The following THSD8 variants were observed in gnomAD, a reference collection of about 807,000 sequenced individuals.
The protein encoded by THSD8 is thrombospondin type 1 domain containing 8.
rs1968947858 is a variant in THSD8 at position 12,804,244 on chromosome 19, C to T, written c.289C>T (p.Pro97Ser). Reference sequence around the variant, plus strand: ...CCCGGAGAAGCTGATCCAGTTACGGCCCTGCCGGCAACGGGATTGTCCATC... The same window carrying T: ...CCCGGAGAAGCTGATCCAGTTACGGTCCTGCCGGCAACGGGATTGTCCATC... ...MDPEKLIQLR[P>S]CRQRDCPSCK... is the part of the protein sequence containing the mutation. The change falls in exon 2 of 2, where the codon CCC becomes TCC. Residue 97 changes from proline (P) to serine (S), a missense_variant. Pro to Ser is a moderately conservative substitution (Grantham distance 74, BLOSUM62 -1). Transcript: ENST00000639810. The T allele has an allele frequency of 2.5e-6, 1 of 398,586 alleles. No homozygotes were observed. The highest frequency in any genetic ancestry group is 4.4e-6 in the Non-Finnish European group (1 of 226,072). The allele number at this position is 398,586 out of a possible 1,614,324, so 24.7% of individuals were successfully genotyped here.
At chr19:12,803,813 G>A (rs1441818954) in intron 1 of THSD8, among the ~76,000 whole-genome samples, 4 of 150,294 alleles carry the variant, frequency 2.7e-5, no homozygotes, top group Non-Finnish European at 5.9e-5. Flanking sequence ...TTGGTAGGCC[G>A]AGGTAGGAGG....
rs1204851901 is a variant in THSD8, at chr19:12,804,324, CCGGGGCAAGTTG to C, written c.*28_*39del. 2 of 398,496 alleles carry C rather than the reference CCGGGGCAAGTTG, an allele frequency of 5.0e-6. No individual in the cohort carries two copies. Among genetic ancestry groups the C allele is most frequent in the African/African-American group, 4.1e-5 (2 of 48,628 alleles). 24.7% of individuals were successfully genotyped at this position (398,496 alleles called of 1,614,324 possible). ...TCTGAGCCCGGGTGAGAGAGCAGGG[CCGGGGCAAGTTG>C]CGGGGCCCAGGGTGGGCGCGGAGGG... On this transcript the variant is annotated 3_prime_UTR_variant, in exon 2 of 2. Coordinates refer to ENST00000639810, the MANE Select transcript of THSD8 (RefSeq NM_001386800.1).
At chr19:12,803,526 T>A (rs1968935006) in intron 1 of THSD8, among the ~76,000 whole-genome samples, 1 of 152,060 alleles carries the variant, frequency 6.6e-6, no homozygotes, top group South Asian at 2.1e-4. Flanking sequence ...CAGGTTGTAG[T>A]TCCTCTGGCC....
At chr19:12,803,481 TCA>T (rs1968934489) in intron 1 of THSD8, among the ~76,000 whole-genome samples, 2 of 152,106 alleles carry the variant, frequency 1.3e-5, no homozygotes, top group African/African-American at 4.8e-5. Context: ...TGTAGGACAC[TCA>T]CAACTGGGCA....
chr19:12,803,733 A>G (rs1968938609), intron 1 of THSD8, among the ~76,000 whole-genome samples: 1 of 151,924 alleles, frequency 6.6e-6, no homozygotes, highest in Non-Finnish European at 1.5e-5. Flanking sequence ...CAACATGGTG[A>G]AACACCGTCT....
intron 1 of THSD8, among the ~76,000 whole-genome samples, chr19:12,803,417 T>C (rs1968933812): frequency 6.6e-6 from 1 of 152,174 alleles, no homozygotes; most frequent in Non-Finnish European, 1.5e-5. Context: ...GGTAGGGCCA[T>C]GGTCACACCC....
chr19:12,803,095 T>A (rs1012118639), intron 1 of THSD8, among the ~76,000 whole-genome samples: 2 of 151,734 alleles, frequency 1.3e-5, no homozygotes, highest in Admixed American at 6.6e-5. Context: ...TAAATAAAAA[T>A]AAAAAATAAA....
rs1968916437 is a variant in THSD8, at chr19:12,802,195, C to A, written c.124C>A (p.Gln42Lys). 2 of 398,712 alleles carry A rather than the reference C, an allele frequency of 5.0e-6. No homozygotes were observed. The highest frequency in any genetic ancestry group is 8.8e-6 in the Non-Finnish European group (2 of 226,124). The allele number at this position is 398,712 out of a possible 1,614,324, so 24.7% of individuals were successfully genotyped here. A position where few individuals can be genotyped will look rare whatever the true frequency, so the allele number is the denominator to read the frequency against. Residue 42 changes from glutamine (Q) to lysine (K), a missense_variant, in exon 1 of 2, where the codon CAG (glutamine) becomes AAG (lysine). Transcript: ENST00000639810. ...GCAGGGCGAAGGTGACAGCTGGGAG[C>A]AGCTGAGGCTGCAGCATCTAAAGGG... ...GQQGEGDSWE[Q>K]LRLQHLKEVE... is the part of the protein sequence containing the mutation.
In THSD8 at chr19:12,803,870, C is replaced by T. The variant is rs560037064; in HGVS notation, c.149-234C>T. On this transcript the variant is annotated intron_variant, in intron 1 of 1. Coordinates refer to ENST00000639810, the MANE Select transcript of THSD8 (RefSeq NM_001386800.1). ...GAGGCTGCAGTGAGCTGTGACTGCG[C>T]CACTGCACTCCAGCCTGGGCGACAG... Among the ~76,000 whole-genome samples the T allele has an allele frequency of 2.1e-5, 3 of 141,268 alleles. No homozygotes were observed. In the East Asian group the frequency reaches 6.2e-4, roughly 29 times the overall value. 92.7% of individuals were successfully genotyped at this position (141,268 alleles called of 152,430 possible).
At chr19:12,802,760 G>A (rs1263008661) in intron 1 of THSD8, among the ~76,000 whole-genome samples, 1 of 152,120 alleles carries the variant, frequency 6.6e-6, no homozygotes, top group Non-Finnish European at 1.5e-5. Context: ...GATAAGATCG[G>A]AGTTGGGATA....
intron 1 of THSD8, 49 bp downstream of exon 1, chr19:12,802,268 C>T (rs1968917639): frequency 2.5e-6 from 1 of 398,184 alleles, no homozygotes; most frequent in Non-Finnish European, 4.4e-6. Flanking sequence ...CCCCGTTGCC[C>T]TACTTCTCCT....
rs28603316 is a variant in THSD8 at position 12,804,228 on chromosome 19, G to C, written c.273G>C (p.Lys91Asn). ...APGPVFMDPE[K>N]LIQLRPCRQR... ...GCCCGGTTTTCATGGACCCGGAGAA[G>C]CTGATCCAGTTACGGCCCTGCCGGC... The change falls in exon 2 of 2, where the codon AAG (lysine) becomes AAC (asparagine). Residue 91 changes from lysine (K) to asparagine (N), a missense_variant. Physicochemically the swap from Lys to Asn is moderately conservative, Grantham distance 94 (BLOSUM62 0). Transcript: ENST00000639810. 19,563 of 398,384 alleles carry C rather than the reference G, an allele frequency of 0.049. 899 individuals are homozygous for C. Among genetic ancestry groups the C allele is most frequent in the African/African-American group, 0.16 (7,807 of 48,652 alleles). 24.7% of individuals were successfully genotyped at this position (398,384 alleles called of 1,614,324 possible). A position where few individuals can be genotyped will look rare whatever the true frequency, so the allele number is the denominator to read the frequency against.
chr19:12,803,965 G>C (rs1968943693), intron 1 of THSD8, 139 bp from the exon 2 acceptor site: 1 of 371,802 alleles, frequency 2.7e-6, no homozygotes, highest in Admixed American at 4.6e-5. Context: ...CTGTGGCAGG[G>C]TGTCTGGCAT....
intron 1 of THSD8, among the ~76,000 whole-genome samples, chr19:12,803,324 C>A (rs1021467710): frequency 6.6e-6 from 1 of 152,018 alleles, no homozygotes; most frequent in Non-Finnish European, 1.5e-5. Flanking sequence ...AGCACAGCAC[C>A]GGGAGATTTA....
At chr19:12,803,189 A>G (rs560179878) in intron 1 of THSD8, among the ~76,000 whole-genome samples, 42 of 152,330 alleles carry the variant, frequency 2.8e-4, no homozygotes, top group African/African-American at 8.7e-4. Context: ...AAGGAGTTTG[A>G]AGCTGCAGTG....
intron 1 of THSD8, among the ~76,000 whole-genome samples, chr19:12,802,540 G>A (rs1419880639): frequency 1.3e-5 from 2 of 152,156 alleles, no homozygotes; most frequent in East Asian, 3.8e-4. Flanking sequence ...GAGAGGGTCC[G>A]ATTGCAGAAG....
At position 12,803,740 on chromosome 19, in the gene THSD8, G is replaced by A. The variant is rs145155600; in HGVS notation, c.149-364G>A. Among the ~76,000 whole-genome samples the A allele has an allele frequency of 2.7e-3, 412 of 151,658 alleles. 1 individual carries two copies. Among genetic ancestry groups the A allele is most frequent in the Non-Finnish European group, 4.2e-3 (284 of 67,868 alleles). ...AGCCTGGGCAACATGGTGAAACACC[G>A]TCTCTGCAAAAAATACAAAAAATTA... On this transcript the variant is annotated intron_variant, in intron 1 of 1. Transcript: ENST00000639810.
At chr19:12,802,452 C>T (rs1475515784) in intron 1 of THSD8, among the ~76,000 whole-genome samples, 1 of 152,088 alleles carries the variant, frequency 6.6e-6, no homozygotes, top group Non-Finnish European at 1.5e-5. Context: ...GGGCAGGACA[C>T]TGAAGCTGTC....
chr19:12,803,938 A>AAAAAAG (rs1968943030), intron 1 of THSD8, among the ~76,000 whole-genome samples, 166 bp from the exon 2 acceptor site: 1 of 145,516 alleles, frequency 6.9e-6, no homozygotes, highest in African/African-American at 2.5e-5. Flanking sequence ...AAAAAAAAAA[A>AAAAAAG]GCTTAAATGA....
Sources: allele counts gnomAD v4.1 joint callset (sites outside exome capture counted in the v4.1 genomes callset), GRCh38; gene constraint gnomAD v4.1.1; transcripts MANE v1.5; gene names NCBI Gene and HGNC (gene_info 2026-07-23, HGNC 2026-07-21).